FAM151B: variants seen among roughly 807,000 people sequenced by gnomAD.
FAM151B encodes protein FAM151B.
FAM151B carries 24 observed loss-of-function variants against 31.2 expected under a neutral mutation model. The ratio of observed to expected loss-of-function variants is 0.77; its 90% CI spans 0.56 to 1.08. The LOEUF (loss-of-function observed/expected upper bound fraction) is 1.08, where lower values mean the gene tolerates loss of function less well. FAM151B is among the 50% of genes least tolerant of loss of function. The pLI, the probability that FAM151B is intolerant of heterozygous loss-of-function variation, is 0.00. For synonymous variants in FAM151B, 105 were observed against 111.4 expected (o/e 0.94, Z 0.36); for missense variants, 293 against 328.6 (o/e 0.89, Z 0.84).
intron 5 of FAM151B, 31 bp from the exon 6 acceptor site, chr5:80,541,642 A>C: frequency 6.2e-7 from 1 of 1,603,830 alleles, no homozygotes; most frequent in South Asian, 1.1e-5. Context: ...TTCCACTTTT[A>C]ACTGTATAAT....
In FAM151B at chr5:80,494,396, A is replaced by G. The variant is rs146579819; in HGVS notation, c.25+6248A>G. 1.9e-3 allele frequency among the ~76,000 whole-genome samples: 293 copies of G among 152,180 alleles called. 1 individual carries two copies. The highest frequency in any genetic ancestry group is 6.7e-3 in the African/African-American group (278 of 41,454). On this transcript the variant is annotated intron_variant, in intron 1 of 5. Transcript: ENST00000282226. ...AGATCTAGTTAAGATCATTGATGAA[A>G]GTAGCTGCACTAACAGCAGATTTTC...
chr5:80,519,085 C>T (rs1744586423), intron 3 of FAM151B, among the ~76,000 whole-genome samples: 1 of 152,066 alleles, frequency 6.6e-6, no homozygotes, highest in Non-Finnish European at 1.5e-5. Context: ...ATACGTATTT[C>T]TAATTTTCAG....
intron 2 of FAM151B, among the ~76,000 whole-genome samples, chr5:80,512,635 A>T (rs1744233508): frequency 6.6e-6 from 1 of 151,726 alleles, no homozygotes; most frequent in African/African-American, 2.4e-5. Context: ...TAAAAAAATC[A>T]GCTGGGCATG....
intron 5 of FAM151B, among the ~76,000 whole-genome samples, chr5:80,538,745 C>A (rs62366861): frequency 0.2 from 30,577 of 151,130 alleles, 3,768 homozygotes; most frequent in East Asian, 0.42. Flanking sequence ...TACAGGCACC[C>A]GCCACCATAC....
At chr5:80,503,394 C>A (rs925799110) in intron 2 of FAM151B, among the ~76,000 whole-genome samples, 4 of 151,934 alleles carry the variant, frequency 2.6e-5, no homozygotes, top group Non-Finnish European at 5.9e-5. Flanking sequence ...CATAGTGAGA[C>A]CCTGTCTCTA....
At chr5:80,512,943 G>T (rs1744249199) in intron 2 of FAM151B, among the ~76,000 whole-genome samples, 1 of 152,100 alleles carries the variant, frequency 6.6e-6, no homozygotes, top group Non-Finnish European at 1.5e-5. Context: ...CAAAATTCGA[G>T]ATTATGGCAT....
rs2112690719 is a variant in FAM151B at position 80,542,396 on chromosome 5, C to T, written c.*564C>T. The T allele has an allele frequency of 6.6e-6, 1 of 152,146 alleles. No individual in the cohort carries two copies. Among genetic ancestry groups the T allele is most frequent in the South Asian group, 2.1e-4 (1 of 4,822 alleles). 9.4% of individuals were successfully genotyped at this position (152,146 alleles called of 1,614,324 possible). ...ATGTGATTGAGAAGCATGCTAGTGG[C>T]TAAGTGTTTTTTTTATATTTCTTAT... On this transcript the variant is annotated 3_prime_UTR_variant, in exon 6 of 6. Transcript: ENST00000282226.
intron 2 of FAM151B, among the ~76,000 whole-genome samples, chr5:80,513,147 G>A (rs541081350): frequency 9.8e-5 from 15 of 152,296 alleles, no homozygotes; most frequent in African/African-American, 3.6e-4. Context: ...AAGGATGTAT[G>A]CTTTTAAGCA....
chr5:80,498,689 G>T, intron 1 of FAM151B: 1 of 612,646 alleles, frequency 1.6e-6, no homozygotes, highest in Non-Finnish European at 3.1e-6. Flanking sequence ...AGTATTTCAG[G>T]ACAGCCAGCT....
Position 80,520,957 on chromosome 5 carries a change from C to G in FAM151B, c.536-1046C>G, listed in dbSNP as rs571049056. Among the ~76,000 whole-genome samples the G allele has an allele frequency of 2.2e-4, 33 of 150,044 alleles. No homozygotes were observed. The East Asian group carries it at 4.2e-3, about 19-fold the overall frequency. ...TCAACCTCTTGAATAGCTGGGATTA[C>G]AGGCGCCACCACGCCCAGCTAATTT... is the stretch of plus-strand genomic sequence containing the variant. On this transcript the variant is annotated intron_variant, in intron 4 of 5. Transcript: ENST00000282226.
intron 2 of FAM151B, among the ~76,000 whole-genome samples, chr5:80,504,245 C>G (rs1359298871): frequency 6.6e-6 from 1 of 152,160 alleles, no homozygotes; most frequent in African/African-American, 2.4e-5. Flanking sequence ...TCGCTCCTTT[C>G]TTTATTCTTG....
chr5:80,494,702 C>T (rs189690319), intron 1 of FAM151B, among the ~76,000 whole-genome samples: 13 of 151,352 alleles, frequency 8.6e-5, no homozygotes, highest in East Asian at 7.8e-4. Context: ...TTTGTAGAGA[C>T]GGGATTTCGT....
At chr5:80,507,808 G>A (rs934223407) in intron 2 of FAM151B, among the ~76,000 whole-genome samples, 2 of 152,192 alleles carry the variant, frequency 1.3e-5, no homozygotes, top group African/African-American at 4.8e-5. Flanking sequence ...CCTTCACAGT[G>A]TTTTCACATT....
intron 3 of FAM151B, among the ~76,000 whole-genome samples, chr5:80,518,418 G>A (rs1744560966): frequency 6.6e-6 from 1 of 152,176 alleles, no homozygotes; most frequent in Non-Finnish European, 1.5e-5. Flanking sequence ...TGCTTGCTAC[G>A]AAAAATGGAA....
At chr5:80,537,320 A>T (rs1386789848) in intron 5 of FAM151B, among the ~76,000 whole-genome samples, 1 of 152,176 alleles carries the variant, frequency 6.6e-6, no homozygotes, top group Non-Finnish European at 1.5e-5. Context: ...GGTGCTTACT[A>T]CACTTTTACT....
intron 1 of FAM151B, among the ~76,000 whole-genome samples, chr5:80,490,821 A>T (rs895135997): frequency 6.6e-6 from 1 of 152,200 alleles, no homozygotes; most frequent in Non-Finnish European, 1.5e-5. Context: ...GTTGATGGAC[A>T]TTTGAGTTGT....
At chr5:80,534,350 A>G (rs1004612145) in intron 5 of FAM151B, among the ~76,000 whole-genome samples, 1 of 152,150 alleles carries the variant, frequency 6.6e-6, no homozygotes, top group African/African-American at 2.4e-5. Context: ...TGATGCAAAA[A>G]TCCTTGGCAA....
intron 3 of FAM151B, among the ~76,000 whole-genome samples, chr5:80,516,324 CA>C (rs1160452390): frequency 1.3e-5 from 2 of 150,342 alleles, no homozygotes; most frequent in Non-Finnish European, 3.0e-5. Context: ...AACGCCATCT[CA>C]AAAAAAAAGT....
At chr5:80,488,892 A>G (rs1486945088) in intron 1 of FAM151B, among the ~76,000 whole-genome samples, 1 of 152,148 alleles carries the variant, frequency 6.6e-6, no homozygotes, top group Non-Finnish European at 1.5e-5. Context: ...GATAAATGCC[A>G]TTATAGAACA....
Sources: gnomAD v4.1 joint callset for allele counts (sites outside exome capture counted in the v4.1 genomes callset) on GRCh38, gnomAD v4.1.1 for gene constraint, MANE v1.5 for transcripts, NCBI Gene and HGNC (gene_info 2026-07-23, HGNC 2026-07-21) for gene names.